The following CTNNA2 variants were observed in gnomAD, a reference collection of about 807,000 sequenced individuals.
CTNNA2 encodes catenin alpha 2, also known as catenin alpha-2.
Under a neutral mutation model 101.0 loss-of-function variants are expected in CTNNA2, and 42 were observed. That is an observed-to-expected ratio of 0.42 (90% CI 0.32 to 0.54). CTNNA2 has a LOEUF of 0.54. Among genes scored for constraint, CTNNA2 ranks in the 20% least tolerant of loss-of-function variants. The probability of loss-of-function intolerance (pLI) is 0.14; values close to 1 mark genes in which losing one functional copy is unlikely to be tolerated. For missense variants in CTNNA2, 871 were observed against 1,223.1 expected, an observed-to-expected ratio of 0.71 and a Z score of 4.29; for synonymous variants, 450 against 456.4, an observed-to-expected ratio of 0.99 and a Z score of 0.18.
intron 7 of CTNNA2, among the ~76,000 whole-genome samples, chr2:80,135,596 T>C (rs576441174): frequency 7.9e-5 from 12 of 152,270 alleles, no homozygotes; most frequent in African/African-American, 2.9e-4. Flanking sequence ...GAGTTGTCTG[T>C]AAATCTGTCC....
intron 7 of CTNNA2, among the ~76,000 whole-genome samples, chr2:80,009,754 G>C (rs200796504): frequency 3.7e-4 from 51 of 139,564 alleles, no homozygotes; most frequent in African/African-American, 1.3e-3. Flanking sequence ...GTGTGTGTCA[G>C]AGAGAGAGAC....
At chr2:80,466,249 A>G (rs1364915272) in intron 9 of CTNNA2, among the ~76,000 whole-genome samples, 1 of 152,190 alleles carries the variant, frequency 6.6e-6, no homozygotes, top group Admixed American at 6.6e-5. Context: ...ATTTACAGAG[A>G]GCTTTCTACC....
chr2:79,263,389 G>A (rs1674947921), intron 2 of CTNNA2, among the ~76,000 whole-genome samples: 1 of 152,030 alleles, frequency 6.6e-6, no homozygotes. Context: ...CAACTGTCTT[G>A]CTCCCTCTCT....
chr2:80,619,262 C>A (rs754533332), intron 18 of CTNNA2, 34 bp downstream of exon 18: 8 of 1,469,418 alleles, frequency 5.4e-6, no homozygotes, highest in Non-Finnish European at 9.1e-7. Flanking sequence ...TAATGTCTTT[C>A]ATTGTAATCA....
chr2:79,928,751 C>T (rs1222839406), intron 7 of CTNNA2, among the ~76,000 whole-genome samples: 1 of 152,086 alleles, frequency 6.6e-6, no homozygotes, highest in Non-Finnish European at 1.5e-5. Context: ...GGGTCAACGC[C>T]TCTTAGTTTG....
chr2:80,469,185 G>A (rs1685092927), intron 9 of CTNNA2, among the ~76,000 whole-genome samples: 1 of 152,092 alleles, frequency 6.6e-6, no homozygotes, highest in South Asian at 2.1e-4. Flanking sequence ...TAGGGTCTGA[G>A]GTTTTGGTCA....
intron 18 of CTNNA2, among the ~76,000 whole-genome samples, chr2:80,639,513 A>ATATGTGTGTGTGTGTG (rs1553418423): frequency 1.4e-5 from 2 of 147,408 alleles, no homozygotes; most frequent in Admixed American, 6.8e-5. Flanking sequence ...CCCAGCCTTG[A>ATATGTGTGTGTGTGTG]TGTGTGTGTG....
chr2:79,946,435 A>G (rs1688497038), intron 7 of CTNNA2, among the ~76,000 whole-genome samples: 1 of 152,200 alleles, frequency 6.6e-6, no homozygotes, highest in African/African-American at 2.4e-5. Flanking sequence ...TAAACCGAAC[A>G]CTGAGTCATT....
At chr2:79,870,287 C>A (rs913256995) in intron 5 of CTNNA2, among the ~76,000 whole-genome samples, 1 of 152,168 alleles carries the variant, frequency 6.6e-6, no homozygotes, top group African/African-American at 2.4e-5. Flanking sequence ...CTGGATGTCA[C>A]CCTTTGCCCT....
chr2:79,839,311 T>G (rs182932023), intron 3 of CTNNA2, among the ~76,000 whole-genome samples: 1 of 152,230 alleles, frequency 6.6e-6, no homozygotes, highest in African/African-American at 2.4e-5. Context: ...TATTGTGTTG[T>G]GTCTGTCTTT....
At chr2:80,458,495 A>G (rs1049986600) in intron 9 of CTNNA2, among the ~76,000 whole-genome samples, 8 of 152,228 alleles carry the variant, frequency 5.3e-5, no homozygotes, top group Non-Finnish European at 1.0e-4. Context: ...CATACTACAA[A>G]ATACGTATTT....
intron 7 of CTNNA2, among the ~76,000 whole-genome samples, chr2:80,099,755 C>A (rs201242084): frequency 1.2e-3 from 176 of 141,338 alleles, no homozygotes; most frequent in Middle Eastern, 3.6e-3. Context: ...CTCTTTCCTT[C>A]AAAAAAAAAA....
chr2:79,524,754 G>T (rs1363040705), intron 1 of CTNNA2: 4 of 151,816 alleles, frequency 2.6e-5, no homozygotes, highest in Non-Finnish European at 5.9e-5. Flanking sequence ...CTCAATATCT[G>T]TCTTTTCCAT....
In CTNNA2 at chr2:80,494,317, A is replaced by G. The variant is rs118062184; in HGVS notation, c.1291-50665A>G. Among the ~76,000 whole-genome samples, 83 of 152,356 alleles carry G rather than the reference A, an allele frequency of 5.4e-4. No homozygotes were observed. The East Asian group carries it at 0.011, about 19-fold the overall frequency. ...GGCAAAGTCACTGGACAGGAAGCAC[A>G]CAGTCCACCCCAGGAAAGCTGTGAT... On this transcript the variant is annotated intron_variant, in intron 9 of 18. Transcript: ENST00000402739.
intron 7 of CTNNA2, among the ~76,000 whole-genome samples, chr2:80,086,288 C>A (rs892576609): frequency 1.3e-5 from 2 of 152,004 alleles, no homozygotes; most frequent in Non-Finnish European, 2.9e-5. Flanking sequence ...GTTAAAGTTC[C>A]TTCCTTCTAT....
chr2:80,031,051 CATAG>C (rs1189886539), intron 7 of CTNNA2, among the ~76,000 whole-genome samples: 1 of 151,368 alleles, frequency 6.6e-6, no homozygotes, highest in Non-Finnish European at 1.5e-5. Flanking sequence ...AGATAATATG[CATAG>C]ATATTTTTTA....
rs536581466 is a variant in CTNNA2, at chr2:79,686,929, G to C, written c.102+35271G>C. 1.5e-3 allele frequency among the ~76,000 whole-genome samples: 229 copies of C among 152,288 alleles called. 1 individual carries two copies. The highest frequency in any genetic ancestry group is 8.9e-3 in the South Asian group (43 of 4,822). ...CTCCATTAATTTAAAGTGAGGAATA[G>C]AATGGTTGCACCCAGTGGAAATGCT... On this transcript the variant is annotated intron_variant, in intron 2 of 18. Transcript: ENST00000402739.
At chr2:79,990,244 G>A (rs1419135751) in intron 7 of CTNNA2, among the ~76,000 whole-genome samples, 1 of 152,146 alleles carries the variant, frequency 6.6e-6, no homozygotes, top group African/African-American at 2.4e-5. Flanking sequence ...CGTCCTGAAG[G>A]TGAGCTGAGG....
intron 7 of CTNNA2, among the ~76,000 whole-genome samples, chr2:79,959,175 C>G (rs906445768): frequency 2.6e-5 from 4 of 152,076 alleles, no homozygotes; most frequent in African/African-American, 9.7e-5. Context: ...CCCACCTCAG[C>G]CTCCTGAGTA....
Sources: allele counts gnomAD v4.1 joint callset (sites outside exome capture counted in the v4.1 genomes callset), GRCh38; gene constraint gnomAD v4.1.1; transcripts MANE v1.5; gene names NCBI Gene and HGNC (gene_info 2026-07-23, HGNC 2026-07-21).